Variants in VSTM1 observed in about 807,000 individuals in gnomAD.
VSTM1 encodes V-set and transmembrane domain-containing protein 1.
VSTM1 carries 27 observed loss-of-function variants against 33.1 expected under a neutral mutation model. The ratio of observed to expected loss-of-function variants is 0.82; its 90% CI spans 0.60 to 1.12. The LOEUF is 1.12. VSTM1 is among the 50% of genes most tolerant of loss of function. The pLI, the probability that VSTM1 is intolerant of heterozygous loss-of-function variation, is 0.00. For synonymous variants in VSTM1, 115 were observed against 110.3 expected (o/e 1.04, Z -0.27); for missense variants, 304 against 288.9 (o/e 1.05, Z -0.38).
chr19:54,058,717 T>C lies in VSTM1; in HGVS notation c.50A>G (p.Tyr17Cys). ...CTCACCATTCTTTTTCTCATCTTCG[T>C]AGCCCAGACACAGCCCTGGAAGAGA... ...SLLCLGLCLG[Y>C]EDEKKNEKPP... The change falls in exon 2 of 9, where the codon TAC becomes TGC. Residue 17 changes from tyrosine (Y) to cysteine (C), a missense_variant. Tyr to Cys is a radical substitution (Grantham distance 194). Transcript: ENST00000338372. 2 of 1,613,886 alleles carry C rather than the reference T, an allele frequency of 1.2e-6. No individual in the cohort carries two copies. Among genetic ancestry groups the C allele is most frequent in the Non-Finnish European group, 1.7e-6 (2 of 1,180,002 alleles).
intron 4 of VSTM1, chr19:54,048,446 G>T (rs1464036632): frequency 1.6e-5 from 4 of 254,190 alleles, no homozygotes; most frequent in Non-Finnish European, 3.3e-5. Flanking sequence ...GAATTGTGAT[G>T]ATACAAATTT....
intron 1 of VSTM1, among the ~76,000 whole-genome samples, chr19:54,061,597 G>C (rs2071397739): frequency 6.6e-6 from 1 of 152,142 alleles, no homozygotes; most frequent in South Asian, 2.1e-4. Flanking sequence ...AGAATTGCTT[G>C]AGCCCAGGAG....
chr19:54,056,214 C>CTTTTTTTTTTTTTTTTTTTT (rs869203085), intron 3 of VSTM1, among the ~76,000 whole-genome samples: 13 of 39,174 alleles, frequency 3.3e-4, no homozygotes, highest in East Asian at 6.0e-4. Context: ...CTTTTCTTTT[C>CTTTTTTTTTTTTTTTTTTTT]TTTTTTTTTT....
chr19:54,046,967 A>G (rs78014514), intron 4 of VSTM1, among the ~76,000 whole-genome samples: 9,150 of 152,130 alleles, frequency 0.06, 323 homozygotes, highest in East Asian at 0.11. Flanking sequence ...AGGTCGAGGC[A>G]GGCAGAGCAC....
At chr19:54,060,615 TC>T (rs2146149793) in intron 1 of VSTM1, among the ~76,000 whole-genome samples, 2 of 152,246 alleles carry the variant, frequency 1.3e-5, no homozygotes, top group South Asian at 4.1e-4. Flanking sequence ...TTTGAGACCC[TC>T]CCCAAATCCC....
chr19:54,048,330 G>A, intron 4 of VSTM1: 1 of 374,020 alleles, frequency 2.7e-6, no homozygotes, highest in South Asian at 1.9e-5. Flanking sequence ...TGTCCAGGCT[G>A]GTCTTGAACC....
intron 1 of VSTM1, 96 bp downstream of exon 1, chr19:54,063,648 A>G: frequency 6.7e-7 from 1 of 1,498,192 alleles, no homozygotes; most frequent in Non-Finnish European, 9.2e-7. Context: ...CCTGGAAGTC[A>G]TTACTTCCAC....
At chr19:54,054,782 T>C (rs1479522388) in intron 3 of VSTM1, among the ~76,000 whole-genome samples, 3 of 136,462 alleles carry the variant, frequency 2.2e-5, no homozygotes, top group Non-Finnish European at 4.8e-5. Flanking sequence ...GGTAGATAGA[T>C]GGATGAAGGG....
chr19:54,056,196 T>C (rs1188001883), intron 3 of VSTM1, among the ~76,000 whole-genome samples: 1 of 91,586 alleles, frequency 1.1e-5, no homozygotes, highest in Non-Finnish European at 2.2e-5. Context: ...CTTTTCTTTC[T>C]TTCTTTTCTT....
chr19:54,042,199 AC>A lies in VSTM1; in HGVS notation c.488-4del. 3 of 1,614,050 alleles carry A rather than the reference AC, an allele frequency of 1.9e-6. No homozygotes were observed. In the South Asian group the frequency reaches 3.3e-5, roughly 18 times the overall value. ...GGTGGATTCCTCAGATGATGAACCT[AC>A]AAAAAATGCAGGAGGAATTTACCTA... On this transcript the variant is annotated splice_polypyrimidine_tract_variant and splice_region_variant and intron_variant, in intron 5 of 8. Transcript: ENST00000338372.
At chr19:54,054,771 AG>A (rs2146107304) in intron 3 of VSTM1, among the ~76,000 whole-genome samples, 1 of 136,760 alleles carries the variant, frequency 7.3e-6, no homozygotes, top group Admixed American at 7.6e-5. Flanking sequence ...ATGGGTAGGT[AG>A]GTAGATAGAT....
intron 3 of VSTM1, chr19:54,052,982 A>C (rs1217011766): frequency 9.4e-5 from 1 of 10,672 alleles, no homozygotes; most frequent in East Asian, 9.8e-4. Context: ...ACCCTGTCTC[A>C]AAAAAAAAAA....
intron 4 of VSTM1, among the ~76,000 whole-genome samples, chr19:54,049,053 C>T (rs1376527582): frequency 6.6e-6 from 1 of 152,044 alleles, no homozygotes; most frequent in Non-Finnish European, 1.5e-5. Context: ...CACTGCACTC[C>T]AGCCTGGGCG....
At chr19:54,042,632 T>C (rs558071157) in intron 4 of VSTM1, among the ~76,000 whole-genome samples, 3 of 151,548 alleles carry the variant, frequency 2.0e-5, no homozygotes, top group East Asian at 3.9e-4. Flanking sequence ...GCTGGAACAG[T>C]GCTTGGCGCA....
intron 3 of VSTM1, among the ~76,000 whole-genome samples, chr19:54,057,181 C>T (rs1306301512): frequency 7.2e-6 from 1 of 139,354 alleles, no homozygotes; most frequent in Non-Finnish European, 1.6e-5. Context: ...TTTTTGTCTC[C>T]TAGATTCCTT....
chr19:54,051,121 G>A (rs200672121), intron 4 of VSTM1, among the ~76,000 whole-genome samples: 2 of 150,446 alleles, frequency 1.3e-5, no homozygotes, highest in African/African-American at 2.4e-5. Flanking sequence ...GTGAAACCCC[G>A]TCTCTACTAA....
At chr19:54,041,179 A>C (rs2070243113) in intron 8 of VSTM1, 99 bp from the exon 9 acceptor site, 1 of 1,312,070 alleles carries the variant, frequency 7.6e-7, no homozygotes, top group Non-Finnish European at 1.0e-6. Context: ...AATTAAATTT[A>C]ATTTAAAACC....
intron 3 of VSTM1, among the ~76,000 whole-genome samples, chr19:54,057,473 C>A (rs1334549962): frequency 6.6e-6 from 1 of 150,978 alleles, no homozygotes; most frequent in Non-Finnish European, 1.5e-5. Context: ...TGTGTTCATG[C>A]CACTGCACTC....
intron 3 of VSTM1, among the ~76,000 whole-genome samples, chr19:54,052,570 C>T (rs1467511352): frequency 2.8e-5 from 4 of 140,536 alleles, no homozygotes; most frequent in East Asian, 4.0e-4. Flanking sequence ...ATGATATATG[C>T]GGAGATGTTG....
Sources: gnomAD v4.1 joint callset for allele counts (sites outside exome capture counted in the v4.1 genomes callset) on GRCh38, gnomAD v4.1.1 for gene constraint, MANE v1.5 for transcripts, NCBI Gene and HGNC (gene_info 2026-07-23, HGNC 2026-07-21) for gene names.